MED13: variants seen among roughly 807,000 people sequenced by gnomAD.
The protein encoded by MED13 is mediator complex subunit 13.
Under a neutral mutation model 225.2 loss-of-function variants are expected in MED13, and 23 were observed. The observed-to-expected ratio is 0.10, with a 90% CI of 0.07 to 0.14. MED13 has a LOEUF of 0.14. Among genes scored for constraint, MED13 ranks in the 10% least tolerant of loss-of-function variants. The pLI is 1.00. For missense variants in MED13, 2,197 were observed against 2,594.5 expected (o/e 0.85, Z 3.33); for synonymous variants, 942 against 889.2 (o/e 1.06, Z -1.06).
At chr17:62,041,040 C>G (rs1012550345) in intron 3 of MED13, among the ~76,000 whole-genome samples, 19 of 152,070 alleles carry the variant, frequency 1.2e-4, no homozygotes, top group African/African-American at 4.3e-4. Flanking sequence ...GGTAGACACC[C>G]AAAGGAACTT....
chr17:61,975,420 G>A (rs2080145985), intron 16 of MED13, among the ~76,000 whole-genome samples: 3 of 152,120 alleles, frequency 2.0e-5, no homozygotes, highest in Admixed American at 6.5e-5. Context: ...TTCACACAAA[G>A]TATCACAATG....
At chr17:62,012,609 C>T (rs1208297298) in intron 8 of MED13, among the ~76,000 whole-genome samples, 1 of 151,954 alleles carries the variant, frequency 6.6e-6, no homozygotes, top group Non-Finnish European at 1.5e-5. Context: ...GGATTACAGG[C>T]ATGAGCCACC....
intron 6 of MED13, chr17:62,030,422 G>C (rs1039968581): frequency 1.9e-5 from 3 of 154,942 alleles, no homozygotes; most frequent in African/African-American, 7.2e-5. Flanking sequence ...CTTCGGAGTA[G>C]TGCGAAGGGG....
chr17:61,999,300 G>C (rs1418528023), intron 9 of MED13, among the ~76,000 whole-genome samples: 1 of 152,118 alleles, frequency 6.6e-6, no homozygotes, highest in Non-Finnish European at 1.5e-5. Flanking sequence ...CTCAAATACA[G>C]TTCTTTCTTT....
intron 2 of MED13, among the ~76,000 whole-genome samples, chr17:62,061,571 T>G (rs1328615652): frequency 6.6e-6 from 1 of 152,190 alleles, no homozygotes; most frequent in Non-Finnish European, 1.5e-5. Context: ...ATCAATAGTT[T>G]ATAGTTTTTC....
At position 61,982,406 on chromosome 17, in the gene MED13, T is replaced by C. The variant is rs761209927; in HGVS notation, c.3597A>G (p.Leu1199=). 3.1e-6 allele frequency: 5 copies of C among 1,614,078 alleles called. No homozygotes were observed. The highest frequency in any genetic ancestry group is 2.7e-5 in the African/African-American group (2 of 74,940). The change falls in exon 16 of 30, where the codon TTA becomes TTG. Residue 1199 remains leucine, a synonymous_variant. Transcript: ENST00000397786. Reference sequence around the variant, plus strand: ...GGTCTGCTGCTCCAAAGGGTGAAAATAAATTAGTGCACTGATCTTGTAGCA... The same window carrying C: ...GGTCTGCTGCTCCAAAGGGTGAAAACAAATTAGTGCACTGATCTTGTAGCA... ...ILLLQDQCTN[L]FSPFGAADQD...
intron 16 of MED13, among the ~76,000 whole-genome samples, chr17:61,980,528 C>A (rs548406899): frequency 6.6e-6 from 1 of 152,310 alleles, no homozygotes; most frequent in African/African-American, 2.4e-5. Context: ...CACCCAGGTG[C>A]TCAAGCTATT....
chr17:62,064,757 C>T (rs757728374), intron 1 of MED13, among the ~76,000 whole-genome samples: 2 of 151,952 alleles, frequency 1.3e-5, no homozygotes, highest in Admixed American at 6.6e-5. Flanking sequence ...GACATAAAGG[C>T]GGTGGGGAGC....
intron 26 of MED13, among the ~76,000 whole-genome samples, chr17:61,953,864 C>CA (rs1448723272): frequency 6.6e-6 from 1 of 152,184 alleles, no homozygotes; most frequent in Non-Finnish European, 1.5e-5. Context: ...TCCCAAGACC[C>CA]ACCCCCATAC....
In MED13 at chr17:61,964,498, G is replaced by A. The variant is rs558935540; in HGVS notation, c.4844+508C>T. 5.3e-5 allele frequency among the ~76,000 whole-genome samples: 8 copies of A among 152,262 alleles called. No homozygotes were observed. The South Asian group carries it at 8.3e-4, about 16-fold the overall frequency. On this transcript the variant is annotated intron_variant, in intron 20 of 29. Transcript: ENST00000397786. Reference sequence around the variant, plus strand: ...GAGGATCACCTGAGCCCAGGAGGTCGAGGCTGCAGTGAGCCGTGATCACGC... The same window carrying A: ...GAGGATCACCTGAGCCCAGGAGGTCAAGGCTGCAGTGAGCCGTGATCACGC...
At position 61,982,973 on chromosome 17, in the gene MED13, T is replaced by C. The variant is rs1042143462; in HGVS notation, c.3030A>G (p.Pro1010=). 30 of 1,613,910 alleles carry C rather than the reference T, an allele frequency of 1.9e-5. No homozygotes were observed. Among genetic ancestry groups the C allele is most frequent in the Non-Finnish European group, 2.4e-5 (28 of 1,179,850 alleles). The change falls in exon 16 of 30, where the codon CCA becomes CCG. Residue 1010 remains proline, a synonymous_variant. Coordinates refer to ENST00000397786, the MANE Select transcript of MED13 (RefSeq NM_005121.3). ...ILPSPSTPRF[P]TPRTPRTPRT... is the part of the protein sequence containing the mutation. ...GAGGAGTCCTTGGAGTCCTTGGAGT[T>C]GGAAACCGAGGGGTGGATGGAGAAG... is the stretch of plus-strand genomic sequence containing the variant.
rs569331317 is a variant in MED13, at chr17:61,979,748, C to G, written c.3805+2450G>C. Among the ~76,000 whole-genome samples the G allele has an allele frequency of 2.6e-5, 4 of 152,204 alleles. No homozygotes were observed. In the East Asian group the frequency reaches 7.7e-4, roughly 29 times the overall value. On this transcript the variant is annotated intron_variant, in intron 16 of 29. Coordinates refer to ENST00000397786, the MANE Select transcript of MED13 (RefSeq NM_005121.3). ...AAAATTGTCTAAGTTTGCTTCTCAT[C>G]CCGTTCTTTTGTGAACCCACTCCAA...
rs190466316 is a variant in MED13 at position 61,949,751 on chromosome 17, G to A, written c.6291+1074C>T. Among the ~76,000 whole-genome samples the A allele has an allele frequency of 4.4e-4, 67 of 152,178 alleles. 2 individuals are homozygous for A. The East Asian group carries it at 0.011, about 25-fold the overall frequency. ...CACCCAGGCTGGAGTGCAGTGGCGC[G>A]ATCTCGGCTCACTGCAACCTTTACC... On this transcript the variant is annotated intron_variant, in intron 28 of 29. Transcript: ENST00000397786.
At position 61,952,971 on chromosome 17, in the gene MED13, C is replaced by A; in HGVS notation, c.6111G>T (p.Ala2037=). 6.2e-7 allele frequency: 1 copy of A among 1,612,422 alleles called. No individual in the cohort carries two copies. The highest frequency in any genetic ancestry group is 8.5e-7 in the Non-Finnish European group (1 of 1,179,462). ...AAACTTGTAACACAGTTACCTTGCCCGCATCACCTCCATGGGGGTAATGAG... is the reference window on the plus strand; with the variant it reads ...AAACTTGTAACACAGTTACCTTGCCAGCATCACCTCCATGGGGGTAATGAG... ...PGSHYPHGGD[A]GKGQSTDRLL... Residue 2037 remains alanine (A), a synonymous_variant, in exon 27 of 30, where the codon GCG becomes GCT. Coordinates refer to ENST00000397786, the MANE Select transcript of MED13 (RefSeq NM_005121.3).
chr17:62,045,298 C>T (rs1040763417), intron 3 of MED13, among the ~76,000 whole-genome samples: 1 of 152,054 alleles, frequency 6.6e-6, no homozygotes, highest in African/African-American at 2.4e-5. Context: ...CAAACTTTAC[C>T]GCACACTCAG....
intron 10 of MED13, among the ~76,000 whole-genome samples, chr17:61,993,834 G>A (rs1009825454): frequency 6.6e-6 from 1 of 151,758 alleles, no homozygotes; most frequent in Non-Finnish European, 1.5e-5. Flanking sequence ...GGGAGGCTGA[G>A]GCAGGAGAAT....
chr17:62,065,047 G>A lies in MED13; in HGVS notation c.66+93C>T, dbSNP rs985816755. On this transcript the variant is annotated intron_variant, in intron 1 of 29. Coordinates refer to ENST00000397786, the MANE Select transcript of MED13 (RefSeq NM_005121.3). Reference sequence around the variant, plus strand: ...CCGGCTGGGCCTCGCCCGGGAACTCGGGCATCTGGACCAGACCCGGCCCCC... The same window carrying A: ...CCGGCTGGGCCTCGCCCGGGAACTCAGGCATCTGGACCAGACCCGGCCCCC... 6 of 1,156,460 alleles carry A rather than the reference G, an allele frequency of 5.2e-6. No homozygotes were observed. In the South Asian group the frequency reaches 5.3e-5, roughly 10 times the overall value. 71.6% of individuals were successfully genotyped at this position (1,156,460 alleles called of 1,614,324 possible).
At chr17:62,010,402 A>C in intron 9 of MED13, 148 bp downstream of exon 9, 1 of 498,192 alleles carries the variant, frequency 2.0e-6, no homozygotes, top group Admixed American at 4.3e-5. Flanking sequence ...CTGAGGAAAA[A>C]ACACAGTAAA....
chr17:62,059,757 G>T (rs890597483), intron 2 of MED13, among the ~76,000 whole-genome samples: 1 of 152,194 alleles, frequency 6.6e-6, no homozygotes, highest in African/African-American at 2.4e-5. Flanking sequence ...AAAAGGGCAA[G>T]ACAAATATAT....
Sources: gnomAD v4.1 joint callset for allele counts (sites outside exome capture counted in the v4.1 genomes callset) on GRCh38, gnomAD v4.1.1 for gene constraint, MANE v1.5 for transcripts, NCBI Gene and HGNC (gene_info 2026-07-23, HGNC 2026-07-21) for gene names.